Variants in SDK2 observed in about 807,000 individuals in gnomAD.
SDK2 encodes sidekick cell adhesion molecule 2.
SDK2 carries 105 observed loss-of-function variants against 253.9 expected under a neutral mutation model. The observed-to-expected ratio is 0.41, with a 90% CI of 0.35 to 0.49. SDK2 has a LOEUF of 0.49. SDK2 is among the 20% of genes least tolerant of loss of function. The pLI, the probability that SDK2 is intolerant of heterozygous loss-of-function variation, is 0.06. For synonymous variants in SDK2, 1,249 were observed against 1,234.9 expected, an observed-to-expected ratio of 1.01 and a Z score of -0.24; for missense variants, 2,608 against 3,003.0, an observed-to-expected ratio of 0.87 and a Z score of 3.07.
intron 44 of SDK2, among the ~76,000 whole-genome samples, chr17:73,346,862 G>A (rs1421644735): frequency 6.6e-6 from 1 of 152,164 alleles, no homozygotes; most frequent in African/African-American, 2.4e-5. Flanking sequence ...TGAAACCGAG[G>A]GGCCCTGGCC....
At chr17:73,582,725 TCTC>T (rs1331586001) in intron 1 of SDK2, among the ~76,000 whole-genome samples, 2 of 152,054 alleles carry the variant, frequency 1.3e-5, no homozygotes, top group Non-Finnish European at 2.9e-5. Flanking sequence ...CAGAACCCCT[TCTC>T]CTCCTGGGTA....
Position 73,437,982 on chromosome 17 carries a change from C to T in SDK2, c.898G>A (p.Ala300Thr), listed in dbSNP as rs769902436. ...CTCTCACCCAGCACTGAGAGGTAGG[C>T]GCCCCGGACAACAGAGGGGACGCTG... The part of the protein sequence containing the change: ...SSSVPSVVRG[A>T]YLSVLEPPQF... Residue 300 changes from alanine (A) to threonine (T), a missense_variant, in exon 7 of 45, where the codon GCC (alanine) becomes ACC (threonine). Around this residue, in one of 2 missense-constraint regions of SDK2, gnomAD observed 1,505 missense variants for 1,859.1 expected, o/e 0.81. Transcript: ENST00000392650. The T allele has an allele frequency of 5.0e-5, 77 of 1,550,700 alleles. No individual in the cohort carries two copies. The highest frequency in any genetic ancestry group is 6.3e-5 in the Non-Finnish European group (72 of 1,146,586).
intron 36 of SDK2, among the ~76,000 whole-genome samples, chr17:73,376,434 CT>C (rs1297185015): frequency 6.6e-6 from 1 of 150,422 alleles, no homozygotes; most frequent in East Asian, 2.0e-4. Context: ...TGGGTGCAGT[CT>C]GACTGGAATG....
intron 36 of SDK2, among the ~76,000 whole-genome samples, chr17:73,376,587 C>T (rs913711231): frequency 2.6e-5 from 4 of 152,114 alleles, no homozygotes; most frequent in Non-Finnish European, 5.9e-5. Flanking sequence ...CGCTCAGGTA[C>T]GGGTCATGTT....
chr17:73,373,665 C>CT lies in SDK2; in HGVS notation c.4981-5073dup, dbSNP rs201908475. 2.4e-3 allele frequency among the ~76,000 whole-genome samples: 368 copies of CT among 151,400 alleles called. 2 individuals are homozygous for CT. The highest frequency in any genetic ancestry group is 8.4e-3 in the African/African-American group (345 of 41,316). ...TGACCATTTATATATCTTCTTTTTT[C>CT]TTTTTTTTTGAGTTGGAGTCTTGCT... On this transcript the variant is annotated intron_variant, in intron 36 of 44. Transcript: ENST00000392650.
Position 73,401,960 on chromosome 17 carries a change from C to T in SDK2, c.2666G>A (p.Arg889His), listed in dbSNP as rs1209942892. The T allele has an allele frequency of 3.1e-6, 5 of 1,608,810 alleles. No homozygotes were observed. Among genetic ancestry groups the T allele is most frequent in the South Asian group, 2.2e-5 (2 of 90,334 alleles). Reference sequence around the variant, plus strand: ...GGGGTGCCTACCATCCTCATGGGTGCGCACCAGCTGCGGGGTGCTGCGTGG... The same window carrying T: ...GGGGTGCCTACCATCCTCATGGGTGTGCACCAGCTGCGGGGTGCTGCGTGG... ...DGPRSTPQLV[R>H]THEDVPGPVG... Residue 889 changes from arginine to histidine, a missense_variant, in exon 19 of 45, where the codon CGC becomes CAC. Transcript: ENST00000392650.
At chr17:73,517,738 G>C (rs1188170740) in intron 1 of SDK2, 1 of 152,222 alleles carries the variant, frequency 6.6e-6, no homozygotes, top group Non-Finnish European at 1.5e-5. Context: ...TCCACAGAAG[G>C]CAGCATGGCA....
At chr17:73,475,394 C>A (rs2063679398) in intron 2 of SDK2, among the ~76,000 whole-genome samples, 1 of 152,138 alleles carries the variant, frequency 6.6e-6, no homozygotes, top group African/African-American at 2.4e-5. Context: ...TCAGGTGATC[C>A]ACCCACCTCG....
Position 73,385,828 on chromosome 17 carries a change from C to T in SDK2, c.4569+19G>A, listed in dbSNP as rs947182484. The T allele has an allele frequency of 8.8e-6, 14 of 1,593,768 alleles. No individual in the cohort carries two copies. Among genetic ancestry groups the T allele is most frequent in the Non-Finnish European group, 1.2e-5 (14 of 1,170,520 alleles). On this transcript the variant is annotated intron_variant, in intron 32 of 44. Coordinates refer to ENST00000392650, the MANE Select transcript of SDK2 (RefSeq NM_001144952.2). The stretch of plus-strand genomic sequence containing the variant: ...CTCGTCTGGGTCTTCACGGAGGTTT[C>T]CTGCCCGCTGGGCCATACCTGCCAT...
At chr17:73,440,609 C>G (rs1318607198) in intron 6 of SDK2, among the ~76,000 whole-genome samples, 1 of 152,164 alleles carries the variant, frequency 6.6e-6, no homozygotes, top group East Asian at 1.9e-4. Context: ...GCCTGGTTTT[C>G]TCTTCTTGGG....
At chr17:73,514,744 A>G (rs550760047) in intron 1 of SDK2, among the ~76,000 whole-genome samples, 19 of 152,322 alleles carry the variant, frequency 1.2e-4, no homozygotes, top group African/African-American at 4.3e-4. Context: ...GGGCTCAGTC[A>G]TCACGAGCTT....
intron 1 of SDK2, among the ~76,000 whole-genome samples, chr17:73,573,642 G>C (rs1302170867): frequency 6.6e-6 from 1 of 152,158 alleles, no homozygotes; most frequent in Non-Finnish European, 1.5e-5. Flanking sequence ...ACCAGCTCTG[G>C]CCTGGACCAC....
chr17:73,343,077 C>T lies in SDK2; in HGVS notation c.6166-4137G>A, dbSNP rs373161276. On this transcript the variant is annotated intron_variant, in intron 44 of 44. Coordinates refer to ENST00000392650, the MANE Select transcript of SDK2 (RefSeq NM_001144952.2). ...CCCGACTCCAAGACAGAGGCATGTC[C>T]GGACTGGAAGCAAGGTGGGGAGTGG... Among the ~76,000 whole-genome samples the T allele has an allele frequency of 8.7e-4, 133 of 152,328 alleles. No homozygotes were observed. In the South Asian group the frequency reaches 0.011, roughly 12 times the overall value.
chr17:73,473,748 C>T (rs2145697983), intron 2 of SDK2, among the ~76,000 whole-genome samples: 1 of 152,298 alleles, frequency 6.6e-6, no homozygotes, highest in East Asian at 1.9e-4. Context: ...TATTGAATAT[C>T]ATGAACCAGT....
At chr17:73,610,174 G>T (rs1339889987) in intron 1 of SDK2, among the ~76,000 whole-genome samples, 1 of 152,208 alleles carries the variant, frequency 6.6e-6, no homozygotes, top group Non-Finnish European at 1.5e-5. Context: ...CCAGTCAGAG[G>T]GGCTGAAGCT....
In SDK2 at chr17:73,440,849, T is replaced by A; in HGVS notation, c.688A>T (p.Thr230Ser). 2.6e-6 allele frequency: 4 copies of A among 1,551,696 alleles called. No individual in the cohort carries two copies. Among genetic ancestry groups the A allele is most frequent in the Middle Eastern group, 1.7e-4 (1 of 5,988 alleles). The change falls in exon 6 of 45, where the codon ACC (threonine) becomes TCC (serine). Residue 230 changes from threonine (T) to serine (S), a missense_variant. By Grantham distance (58) the Thr-to-Ser change is moderately conservative (BLOSUM62 1). Around this residue, in one of 2 missense-constraint regions of SDK2, gnomAD observed 1,505 missense variants for 1,859.1 expected, o/e 0.81. Transcript: ENST00000392650. ...PPKNTSVVAG[T>S]SEVTLECVAN... ...ACACACTCCAAGGTAACCTCTGAGG[T>A]GCCGGCCACCACGCTGGTGTTTTTA...
intron 1 of SDK2, among the ~76,000 whole-genome samples, chr17:73,553,569 G>A (rs1237937294): frequency 6.6e-6 from 1 of 152,124 alleles, no homozygotes; most frequent in Non-Finnish European, 1.5e-5. Context: ...GCACAAGGAA[G>A]GACAGGGGGG....
intron 1 of SDK2, among the ~76,000 whole-genome samples, chr17:73,525,730 C>G (rs538570651): frequency 1.3e-5 from 2 of 152,112 alleles, no homozygotes; most frequent in African/African-American, 4.8e-5. Flanking sequence ...CTGGCTCCCC[C>G]ATCCCTGCCT....
At chr17:73,372,517 C>T (rs1255213797) in intron 36 of SDK2, among the ~76,000 whole-genome samples, 1 of 152,224 alleles carries the variant, frequency 6.6e-6, no homozygotes, top group African/African-American at 2.4e-5. Context: ...CTGCCATTTA[C>T]TATGCCCAAT....
Sources: allele counts gnomAD v4.1 joint callset (sites outside exome capture counted in the v4.1 genomes callset), GRCh38; gene constraint gnomAD v4.1.1; regional missense constraint gnomAD v4.1.1; transcripts MANE v1.5; gene names NCBI Gene and HGNC (gene_info 2026-07-23, HGNC 2026-07-21).